Variants in MAP6 observed in about 807,000 individuals in gnomAD.
The protein encoded by MAP6 is microtubule-associated protein 6.
Under a neutral mutation model 42.4 loss-of-function variants are expected in MAP6, and 26 were observed. That is an observed-to-expected ratio of 0.61 (90% CI 0.45 to 0.85). The LOEUF (loss-of-function observed/expected upper bound fraction) is 0.85, where lower values mean the gene tolerates loss of function less well. Among genes scored for constraint, MAP6 ranks in the 40% least tolerant of loss-of-function variants. The pLI is 0.00. For synonymous variants in MAP6, 418 were observed against 443.8 expected (o/e 0.94, Z 0.73); for missense variants, 966 against 1,099.0 (o/e 0.88, Z 1.71).
At chr11:75,640,919 A>T (rs1166872544) in intron 1 of MAP6, among the ~76,000 whole-genome samples, 1 of 152,172 alleles carries the variant, frequency 6.6e-6, no homozygotes, top group Non-Finnish European at 1.5e-5. Context: ...TGTGGAAGTC[A>T]GTGTGGCGAT....
At chr11:75,653,874 A>G (rs1361764386) in intron 1 of MAP6, among the ~76,000 whole-genome samples, 1 of 152,202 alleles carries the variant, frequency 6.6e-6, no homozygotes, top group African/African-American at 2.4e-5. Flanking sequence ...GTAGTACTCA[A>G]CCCACCAGGG....
chr11:75,659,833 GA>G (rs1287428613), intron 1 of MAP6, among the ~76,000 whole-genome samples: 2 of 152,196 alleles, frequency 1.3e-5, no homozygotes, highest in Non-Finnish European at 2.9e-5. Context: ...GATTCTTAGT[GA>G]TTGTTGATTT....
chr11:75,640,295 T>C (rs1014061767), intron 1 of MAP6, among the ~76,000 whole-genome samples: 55 of 151,330 alleles, frequency 3.6e-4, no homozygotes, highest in African/African-American at 1.3e-3. Context: ...ATGTTTCAAA[T>C]ATCACAAATA....
At chr11:75,647,593 G>T (rs1336237131) in intron 1 of MAP6, among the ~76,000 whole-genome samples, 1 of 152,014 alleles carries the variant, frequency 6.6e-6, no homozygotes, top group East Asian at 1.9e-4. Context: ...ATTCATAATA[G>T]CAACAAAATC....
chr11:75,635,605 C>T (rs1286706224), intron 1 of MAP6, among the ~76,000 whole-genome samples: 1 of 152,226 alleles, frequency 6.6e-6, no homozygotes, highest in African/African-American at 2.4e-5. Context: ...TGGGGATAAA[C>T]ATGGCGTTTG....
chr11:75,609,079 C>T (rs1002486965), intron 1 of MAP6, among the ~76,000 whole-genome samples: 6 of 152,232 alleles, frequency 3.9e-5, no homozygotes, highest in African/African-American at 1.4e-4. Flanking sequence ...AAATGATCCT[C>T]ATCTGCTGCT....
intron 1 of MAP6, among the ~76,000 whole-genome samples, chr11:75,647,937 T>C (rs1426915246): frequency 1.3e-5 from 2 of 152,214 alleles, no homozygotes; most frequent in African/African-American, 2.4e-5. Context: ...GTGTGGCATT[T>C]TTTTTAGAAA....
At position 75,668,924 on chromosome 11, in the gene MAP6, G is replaced by A; in HGVS notation, c.-555C>T. The A allele has an allele frequency of 6.0e-6, 1 of 167,014 alleles. No homozygotes were observed. Among genetic ancestry groups the A allele is most frequent in the African/African-American group, 2.4e-5 (1 of 41,654 alleles). The allele number at this position is 167,014 out of a possible 1,614,324, so 10.3% of individuals were successfully genotyped here. A position where few individuals can be genotyped will look rare whatever the true frequency, so the allele number is the denominator to read the frequency against. ...CGCTGCCCGCGAGGATGCCGCAGCC[G>A]CCGCCGCCACCGCCTCTTCTCCTGG... On this transcript the variant is annotated 5_prime_UTR_variant, in exon 1 of 4. Transcript: ENST00000304771.
intron 1 of MAP6, among the ~76,000 whole-genome samples, chr11:75,658,307 C>T (rs1275205597): frequency 6.6e-6 from 1 of 152,030 alleles, no homozygotes. Flanking sequence ...TCATTCTGTA[C>T]CGAACATCTC....
intron 1 of MAP6, among the ~76,000 whole-genome samples, chr11:75,649,322 T>C (rs1403434976): frequency 1.3e-5 from 2 of 152,122 alleles, no homozygotes; most frequent in Non-Finnish European, 2.9e-5. Context: ...CAGTGTAGGA[T>C]GCCATGTCAG....
intron 3 of MAP6, chr11:75,603,867 A>G (rs2135583747): frequency 1.0e-6 from 1 of 985,462 alleles, no homozygotes; most frequent in Non-Finnish European, 1.2e-6. Flanking sequence ...GAGAAATCCA[A>G]ATTGTGGCTA....
Position 75,668,597 on chromosome 11 carries a change from C to T in MAP6, c.-228G>A. 2.3e-6 allele frequency: 1 copy of T among 427,848 alleles called. No individual in the cohort carries two copies. The highest frequency in any genetic ancestry group is 4.2e-5 in the East Asian group (1 of 23,842). 26.5% of individuals were successfully genotyped at this position (427,848 alleles called of 1,614,324 possible). ...TACCGGTCGCAAACGCCTTTGGGAG[C>T]GCAGTCTGCTGCGAGCGCCGAAGGG... is the stretch of plus-strand genomic sequence containing the variant. On this transcript the variant is annotated 5_prime_UTR_variant, in exon 1 of 4. Transcript: ENST00000304771.
intron 3 of MAP6, chr11:75,603,584 G>C (rs1185050814): frequency 2.3e-6 from 2 of 858,662 alleles, no homozygotes; most frequent in Non-Finnish European, 2.7e-6. Context: ...GTTGGTCCCT[G>C]GGGCAGTGAG....
At position 75,618,909 on chromosome 11, in the gene MAP6, C is replaced by G. The variant is rs979883376; in HGVS notation, c.906-10587G>C. Among the ~76,000 whole-genome samples, 5 of 152,352 alleles carry G rather than the reference C, an allele frequency of 3.3e-5. No homozygotes were observed. In the East Asian group the frequency reaches 7.7e-4, roughly 24 times the overall value. On this transcript the variant is annotated intron_variant, in intron 1 of 3. Coordinates refer to ENST00000304771, the MANE Select transcript of MAP6 (RefSeq NM_033063.2). ...GGGACCCCTCGGCCACTGCCCGATT[C>G]GTGAGCCTTCTCTGTTTCTGGGGCC...
Position 75,627,424 on chromosome 11 carries a change from G to A in MAP6, c.906-19102C>T, listed in dbSNP as rs140208643. On this transcript the variant is annotated intron_variant, in intron 1 of 3. Transcript: ENST00000304771. ...GTCAGCATCAAAGACACGCCTAAAC[G>A]GCCTCTGCTCTGCACATGTGGCTGT... Among the ~76,000 whole-genome samples, 495 of 152,316 alleles carry A rather than the reference G, an allele frequency of 3.2e-3. 2 individuals are homozygous for A. Among genetic ancestry groups the A allele is most frequent in the African/African-American group, 0.011 (476 of 41,572 alleles).
At chr11:75,619,111 C>A (rs898546588) in intron 1 of MAP6, among the ~76,000 whole-genome samples, 1 of 151,946 alleles carries the variant, frequency 6.6e-6, no homozygotes, top group Non-Finnish European at 1.5e-5. Context: ...GTGCATGAGG[C>A]GTGTGTGCAA....
At chr11:75,628,656 A>C (rs1943236904) in intron 1 of MAP6, among the ~76,000 whole-genome samples, 1 of 152,222 alleles carries the variant, frequency 6.6e-6, no homozygotes, top group Non-Finnish European at 1.5e-5. Context: ...CATTTAAATT[A>C]CTGGAGGACT....
At chr11:75,642,909 A>AAGGCACCTC in intron 1 of MAP6, 1 of 493,042 alleles carries the variant, frequency 2.0e-6, no homozygotes, top group Non-Finnish European at 4.1e-6. Flanking sequence ...CATTTCAATG[A>AAGGCACCTC]TTAGTCAGCA....
chr11:75,602,855 GA>G, intron 3 of MAP6: 1 of 985,600 alleles, frequency 1.0e-6, no homozygotes, highest in Non-Finnish European at 1.2e-6. Flanking sequence ...ATAAGATCAA[GA>G]AAGTGGTGTT....
Sources: allele counts gnomAD v4.1 joint callset (sites outside exome capture counted in the v4.1 genomes callset), GRCh38; gene constraint gnomAD v4.1.1; transcripts MANE v1.5; gene names NCBI Gene and HGNC (gene_info 2026-07-23, HGNC 2026-07-21).